DKK2: variants seen among roughly 807,000 people sequenced by gnomAD.
DKK2 encodes dickkopf-related protein 2.
DKK2 carries 11 observed loss-of-function variants against 28.1 expected under a neutral mutation model. The ratio of observed to expected loss-of-function variants is 0.39; its 90% confidence interval spans 0.25 to 0.65. The LOEUF (loss-of-function observed/expected upper bound fraction) is 0.65. Among genes scored for constraint, DKK2 ranks in the 30% least tolerant of loss-of-function variants. The pLI is 0.47. For synonymous variants in DKK2, 135 were observed against 126.5 expected (o/e 1.07, Z -0.45); for missense variants, 326 against 335.5 (o/e 0.97, Z 0.22).
chr4:106,942,318 G>T (rs989909922), intron 1 of DKK2, among the ~76,000 whole-genome samples: 22 of 152,116 alleles, frequency 1.4e-4, no homozygotes, highest in Non-Finnish European at 1.5e-5. Context: ...AATAGTGCAA[G>T]AAAGGAAAGA....
In DKK2 at chr4:107,008,662, A is replaced by G. The variant is rs936194266; in HGVS notation, c.222+26708T>C. On this transcript the variant is annotated intron_variant, in intron 1 of 3. Transcript: ENST00000285311. ...CCTTGGAGCCACAATGTAGAAGATC[A>G]AAGAGAGAGGGCCAAGGCTCTTTCA... 2.5e-4 allele frequency among the ~76,000 whole-genome samples: 38 copies of G among 152,146 alleles called. No individual in the cohort carries two copies. In the East Asian group the frequency reaches 5.0e-3, roughly 20 times the overall value.
At chr4:106,928,727 A>AAATAAT (rs1724458499) in intron 1 of DKK2, among the ~76,000 whole-genome samples, 2 of 152,180 alleles carry the variant, frequency 1.3e-5, no homozygotes, top group Admixed American at 1.3e-4. Flanking sequence ...ATAAAACATG[A>AAATAAT]AATAATATGG....
rs1433357500 is a variant in DKK2, at chr4:106,924,473, T to C, written c.529+72A>G. The C allele has an allele frequency of 5.3e-6, 8 of 1,516,120 alleles. 1 individual carries two copies. The South Asian group carries it at 9.0e-5, about 17-fold the overall frequency. The allele number at this position is 1,516,120 out of a possible 1,614,324, so 93.9% of individuals were successfully genotyped here. A position where few individuals can be genotyped will look rare whatever the true frequency, so the allele number is the denominator to read the frequency against. ...TCCTTGTAATTTTTTCTAAAACCAA[T>C]GGAATTAATTATCTATATTTTTCTT... On this transcript the variant is annotated intron_variant, in intron 3 of 3. Coordinates refer to ENST00000285311, the MANE Select transcript of DKK2 (RefSeq NM_014421.3).
At chr4:106,993,083 C>T (rs1173628194) in intron 1 of DKK2, among the ~76,000 whole-genome samples, 1 of 152,062 alleles carries the variant, frequency 6.6e-6, no homozygotes, top group Non-Finnish European at 1.5e-5. Context: ...TTCATTTCTA[C>T]TCTTCTCAAA....
chr4:106,924,188 G>A lies in DKK2; in HGVS notation c.546C>T (p.Pro182=). 6.2e-7 allele frequency: 1 copy of A among 1,613,860 alleles called. No individual in the cohort carries two copies. The highest frequency in any genetic ancestry group is 8.5e-7 in the Non-Finnish European group (1 of 1,179,896). Residue 182 remains proline (P), a synonymous_variant, in exon 4 of 4, where the codon CCC becomes CCT. Transcript: ENST00000285311. ...MSHIKGHEGD[P]CLRSSDCIEG... ...CAATGCAGTCTGATGATCGTAGGCAGGGGTCTCCTTCATGCCCTGCAGAGA... is the reference window on the plus strand; with the variant it reads ...CAATGCAGTCTGATGATCGTAGGCAAGGGTCTCCTTCATGCCCTGCAGAGA...
intron 1 of DKK2, among the ~76,000 whole-genome samples, chr4:107,012,957 C>A (rs1468582390): frequency 1.3e-5 from 2 of 150,414 alleles, no homozygotes; most frequent in Non-Finnish European, 3.0e-5. Context: ...TTTATAAATG[C>A]AAAATATATT....
At chr4:107,004,049 G>A (rs1723401641) in intron 1 of DKK2, among the ~76,000 whole-genome samples, 1 of 149,920 alleles carries the variant, frequency 6.7e-6, no homozygotes, top group South Asian at 2.2e-4. Flanking sequence ...AATACTATGT[G>A]GATTGAAAGA....
At chr4:106,943,227 C>A (rs1724727189) in intron 1 of DKK2, among the ~76,000 whole-genome samples, 1 of 152,086 alleles carries the variant, frequency 6.6e-6, no homozygotes, top group Admixed American at 6.6e-5. Context: ...TTCTTTGCAC[C>A]ATGATGTAGA....
intron 1 of DKK2, among the ~76,000 whole-genome samples, chr4:106,933,206 G>T (rs945317317): frequency 6.6e-6 from 1 of 152,178 alleles, no homozygotes; most frequent in African/African-American, 2.4e-5. Flanking sequence ...ATATAGAACT[G>T]TTGCAAGATT....
intron 1 of DKK2, among the ~76,000 whole-genome samples, chr4:106,971,610 T>C (rs575524545): frequency 6.6e-6 from 1 of 152,270 alleles, no homozygotes; most frequent in East Asian, 1.9e-4. Flanking sequence ...AGAGTATGAA[T>C]GATGCTGCTA....
At chr4:107,033,660 G>A (rs1022841616) in intron 1 of DKK2, among the ~76,000 whole-genome samples, 4 of 152,096 alleles carry the variant, frequency 2.6e-5, no homozygotes. Flanking sequence ...GGAACCTCAG[G>A]ACTATTGAGG....
intron 1 of DKK2, among the ~76,000 whole-genome samples, chr4:106,961,565 G>GCACACACACACACACACACACACACACA (rs34597899): frequency 4.5e-4 from 61 of 136,296 alleles, no homozygotes; most frequent in Non-Finnish European, 6.0e-4. Context: ...CCAACAGCCT[G>GCACACACACACACACACACACACACACA]CACACACACA....
chr4:106,929,979 G>C (rs183146023), intron 1 of DKK2, among the ~76,000 whole-genome samples: 1 of 152,096 alleles, frequency 6.6e-6, no homozygotes, highest in Non-Finnish European at 1.5e-5. Flanking sequence ...TGACTGAGTG[G>C]TGACCTATGT....
chr4:106,985,407 A>C (rs1383481155), intron 1 of DKK2, among the ~76,000 whole-genome samples: 1 of 152,128 alleles, frequency 6.6e-6, no homozygotes, highest in Non-Finnish European at 1.5e-5. Context: ...CAGTTTGGCA[A>C]GGTGTTACCA....
In DKK2 at chr4:106,924,592, C is replaced by T. The variant is rs34264321; in HGVS notation, c.482G>A (p.Gly161Glu). Residue 161 changes from glycine (G) to glutamate (E), a missense_variant, in exon 3 of 4, where the codon GGA becomes GAA. By Grantham distance (98) the Gly-to-Glu change is moderately conservative (BLOSUM62 -2). Coordinates refer to ENST00000285311, the MANE Select transcript of DKK2 (RefSeq NM_014421.3). ...GTGTGGTCTTCCTAGATTCTGCCAT[C>T]CCAAGTCATGGTTTGAGTAATGACC... ...NHGHYSNHDLGWQNLGRPHTK... is the reference protein window; with the variant it reads ...NHGHYSNHDLEWQNLGRPHTK... The T allele has an allele frequency of 1.3e-4, 212 of 1,613,904 alleles. 1 individual carries two copies. In the African/African-American group the frequency reaches 2.5e-3, roughly 19 times the overall value.
At chr4:106,996,032 T>G (rs925101890) in intron 1 of DKK2, among the ~76,000 whole-genome samples, 8 of 152,304 alleles carry the variant, frequency 5.3e-5, no homozygotes, top group African/African-American at 1.4e-4. Context: ...TCTGTGATAC[T>G]GAGAGATCAT....
chr4:106,931,729 C>G (rs966661126), intron 1 of DKK2, among the ~76,000 whole-genome samples: 1 of 151,990 alleles, frequency 6.6e-6, no homozygotes, highest in Non-Finnish European at 1.5e-5. Context: ...ATCTGAGAAA[C>G]CTTCAGTTAG....
intron 1 of DKK2, among the ~76,000 whole-genome samples, chr4:107,013,139 G>A (rs2110369887): frequency 6.6e-6 from 1 of 150,858 alleles, no homozygotes. Flanking sequence ...GCTTGTTTGG[G>A]TAATCTATTT....
intron 1 of DKK2, among the ~76,000 whole-genome samples, chr4:106,988,935 G>C (rs968302955): frequency 6.6e-6 from 1 of 152,138 alleles, no homozygotes; most frequent in African/African-American, 2.4e-5. Context: ...TGGGATTAAG[G>C]ATCAAAGTCA....
Sources: allele counts gnomAD v4.1 joint callset (sites outside exome capture counted in the v4.1 genomes callset), GRCh38; gene constraint gnomAD v4.1.1; transcripts MANE v1.5; gene names NCBI Gene and HGNC (gene_info 2026-07-23, HGNC 2026-07-21).